NBPF20: variants seen among roughly 807,000 people sequenced by gnomAD.
NBPF20 encodes NBPF member 20.
NBPF20 carries 90 observed loss-of-function variants against 68.1 expected under a neutral mutation model. The ratio of observed to expected loss-of-function variants is 1.32; its 90% CI spans 1.11 to 1.58. The LOEUF (loss-of-function observed/expected upper bound fraction) is 1.58. NBPF20 is among the 40% of genes most tolerant of loss of function. NBPF20 has a pLI of 0.00. For synonymous variants in NBPF20, 290 were observed against 228.1 expected, an observed-to-expected ratio of 1.27 and a Z score of -2.45; for missense variants, 816 against 601.2, an observed-to-expected ratio of 1.36 and a Z score of -3.74.
the NBPF20 span, among the ~76,000 whole-genome samples, chr1:145,415,334 GGGACGAGCC>G: frequency 6.6e-6 from 1 of 151,796 alleles, no homozygotes; most frequent in Non-Finnish European, 1.5e-5. Flanking sequence ...CCATTGCCCA[GGGACGAGCC>G]GGAGACAGAT....
chr1:145,311,887 G>C (rs1205403929), intron 112 of NBPF20, among the ~76,000 whole-genome samples: 2 of 112,532 alleles, frequency 1.8e-5, no homozygotes, highest in Non-Finnish European at 3.6e-5. Flanking sequence ...TTAGAGTGAA[G>C]GATGAAATCT....
At chr1:145,397,226 C>T (rs1331117981) in intron 7 of NBPF20, among the ~76,000 whole-genome samples, 4 of 150,474 alleles carry the variant, frequency 2.7e-5, no homozygotes, top group Non-Finnish European at 5.9e-5. Flanking sequence ...CCACAATAAA[C>T]ATATGTGTGC....
intron 8 of NBPF20, among the ~76,000 whole-genome samples, chr1:145,394,738 A>G (rs1167769344): frequency 2.0e-5 from 3 of 151,806 alleles, no homozygotes; most frequent in South Asian, 2.1e-4. Flanking sequence ...CAATGTCGTG[A>G]CAATCAGTCC....
rs878896072 is a variant in NBPF20 at position 145,400,512 on chromosome 1, G to A, written c.649C>T (p.Pro217Ser). 697 of 1,612,742 alleles carry A rather than the reference G, an allele frequency of 4.3e-4. 5 individuals carry two copies. In the African/African-American group the frequency reaches 7.8e-3, roughly 18 times the overall value. The change falls in exon 6 of 138, where the codon CCT (proline) becomes TCT (serine). Residue 217 changes from proline to serine, a missense_variant. Pro to Ser is a moderately conservative substitution (Grantham distance 74, BLOSUM62 -1). Transcript: ENST00000369373. ...CTATGTGGCTGGTTGGAGTCATAAG[G>A]GCCATGGCTATTTGAATAAGTGATG...
chr1:145,423,975 CT>C, the NBPF20 span, among the ~76,000 whole-genome samples: 229 of 133,378 alleles, frequency 1.7e-3, no homozygotes, highest in African/African-American at 2.4e-3. Flanking sequence ...ATTACCTGTA[CT>C]TTTTTTTTTT....
intron 9 of NBPF20, chr1:145,393,656 C>A: frequency 8.2e-7 from 1 of 1,212,356 alleles, no homozygotes; most frequent in Admixed American, 2.4e-5. Flanking sequence ...CATGAGAATA[C>A]AGCTTTTGAG....
intron 2 of NBPF20, 35 bp from the exon 8 acceptor site, chr1:145,403,353 G>C: frequency 6.5e-7 from 1 of 1,527,994 alleles, no homozygotes; most frequent in Non-Finnish European, 9.0e-7. Context: ...CTCAGTGGAA[G>C]GCTGGACATG....
At chr1:145,402,854 C>T (rs1289089772) in intron 3 of NBPF20, among the ~76,000 whole-genome samples, 1 of 150,644 alleles carries the variant, frequency 6.6e-6, no homozygotes, top group Non-Finnish European at 1.5e-5. Flanking sequence ...AATGAGAAGC[C>T]GCAGTCAGTC....
At chr1:145,408,299 C>T (rs1268656649), upstream of NBPF20, 2 of 153,718 alleles carry the variant, frequency 1.3e-5, no homozygotes, top group African/African-American at 4.8e-5. Context: ...ACCACATGGG[C>T]TGGGGGCCAG....
the NBPF20 span, among the ~76,000 whole-genome samples, chr1:145,423,605 T>C: frequency 6.6e-6 from 1 of 151,716 alleles, no homozygotes; most frequent in Non-Finnish European, 1.5e-5. Context: ...AACAAACATA[T>C]CAATGAAAAC....
At chr1:145,372,513 G>C in exon 36 of NBPF20, 1 of 514,990 alleles carries the variant, frequency 1.9e-6, no homozygotes, top group Non-Finnish European at 3.2e-6. Context: ...GATACTCACT[G>C]TCCACGTCAA....
upstream of NBPF20, among the ~76,000 whole-genome samples, chr1:145,410,337 C>T (rs1157001247): frequency 1.2e-4 from 17 of 145,870 alleles, no homozygotes; most frequent in Non-Finnish European, 1.5e-4. Context: ...TTTTTTGAGA[C>T]GGAGTCTCGC....
exon 138 of NBPF20, chr1:145,291,764 T>A: frequency 1.2e-6 from 2 of 1,611,784 alleles, no homozygotes; most frequent in East Asian, 2.2e-5. Context: ...CAGCACGCCG[T>A]TGAGCCTGGA....
intron 73 of NBPF20, among the ~76,000 whole-genome samples, chr1:145,342,804 C>A (rs1411415214): frequency 4.3e-5 from 5 of 116,280 alleles, no homozygotes; most frequent in East Asian, 2.5e-4. Context: ...CAGACACACA[C>A]ACACACACAG....
intron 137 of NBPF20, 27 bp from the exon 143 acceptor site, chr1:145,291,796 G>T: frequency 1.9e-6 from 3 of 1,611,830 alleles, no homozygotes; most frequent in Non-Finnish European, 2.5e-6. Context: ...AACTAAAGAA[G>T]CAGCCAGGGA....
At chr1:145,417,505 T>C in the NBPF20 span, among the ~76,000 whole-genome samples, 7 of 149,104 alleles carry the variant, frequency 4.7e-5, no homozygotes, top group Non-Finnish European at 8.9e-5. Context: ...TGAAAGACAC[T>C]GTTAAGAGAA....
intron 136 of NBPF20, 146 bp from the exon 142 acceptor site, chr1:145,292,635 G>C (rs1170234051): frequency 1.4e-6 from 1 of 737,828 alleles, no homozygotes. Flanking sequence ...GAGGCCTGAA[G>C]GCTGTTCATG....
chr1:145,393,745 C>G lies in NBPF20; in HGVS notation c.1043+139G>C, dbSNP rs1662063098. On this transcript the variant is annotated intron_variant, in intron 9 of 137. Coordinates refer to ENST00000369373, the Ensembl canonical transcript of NBPF20. ...ACCTAAACATGTACTCTAATGAGAA[C>G]CAGAAAGCAATGTAGTAGGCATAAT... The G allele has an allele frequency of 4.0e-6, 6 of 1,515,068 alleles. No homozygotes were observed. In the Admixed American group the frequency reaches 8.4e-5, roughly 21 times the overall value. 93.9% of individuals were successfully genotyped at this position (1,515,068 alleles called of 1,614,324 possible).
At chr1:145,394,296 G>T (rs1398543235) in intron 8 of NBPF20, among the ~76,000 whole-genome samples, 7 of 151,530 alleles carry the variant, frequency 4.6e-5, no homozygotes, top group Non-Finnish European at 1.0e-4. Context: ...CCCAGAATTT[G>T]ATAGTTTATG....
Sources: gnomAD v4.1 joint callset for allele counts (sites outside exome capture counted in the v4.1 genomes callset) on GRCh38, gnomAD v4.1.1 for gene constraint, MANE v1.5 for transcripts, NCBI Gene and HGNC (gene_info 2026-07-23, HGNC 2026-07-21) for gene names.